ERBB4: variants seen among roughly 807,000 people sequenced by gnomAD.
ERBB4 encodes the protein receptor tyrosine-protein kinase erbB-4.
A neutral mutation model predicts 158.0 loss-of-function variants in ERBB4; 42 were observed. That is an observed-to-expected ratio of 0.27 (90% CI 0.21 to 0.34). The LOEUF (loss-of-function observed/expected upper bound fraction) is 0.34, where lower values mean the gene tolerates loss of function less well. ERBB4 is among the 10% of genes least tolerant of loss of function. The pLI, the probability that ERBB4 is intolerant of heterozygous loss-of-function variation, is 1.00. For synonymous variants in ERBB4, 583 were observed against 558.7 expected, an observed-to-expected ratio of 1.04 and a Z score of -0.61; for missense variants, 1,333 against 1,624.1, an observed-to-expected ratio of 0.82 and a Z score of 3.08.
chr2:211,568,092 T>A (rs1340287237), intron 19 of ERBB4, among the ~76,000 whole-genome samples: 1 of 152,022 alleles, frequency 6.6e-6, no homozygotes, highest in Non-Finnish European at 1.5e-5. Flanking sequence ...TTATCTATTT[T>A]TCCAGAAAAA....
intron 3 of ERBB4, among the ~76,000 whole-genome samples, chr2:211,863,272 TCTCTGTAAAATGGACCAATCAGCA>T (rs1181015042): frequency 4.6e-5 from 7 of 151,994 alleles, no homozygotes; most frequent in African/African-American, 7.2e-5. Flanking sequence ...ACCAATCAGC[TCTCTGTAAAATGGACCAATCAGCA>T]CTCTGTAAAA....
intron 1 of ERBB4, among the ~76,000 whole-genome samples, chr2:212,218,101 C>A (rs556007986): frequency 5.9e-5 from 9 of 151,346 alleles, no homozygotes; most frequent in Middle Eastern, 6.8e-3. Context: ...TAAAGTAGTT[C>A]TTTACTATAG....
At chr2:211,944,680 T>G (rs573484708) in intron 3 of ERBB4, among the ~76,000 whole-genome samples, 1 of 152,170 alleles carries the variant, frequency 6.6e-6, no homozygotes, top group African/African-American at 2.4e-5. Flanking sequence ...TACCATTTCT[T>G]GGTAACATAC....
rs544710336 is a variant in ERBB4 at position 211,725,068 on chromosome 2, A to C, written c.741+8T>G. On this transcript the variant is annotated splice_region_variant and intron_variant, in intron 6 of 27. Coordinates refer to ENST00000342788, the MANE Select transcript of ERBB4 (RefSeq NM_005235.3). ...CAGGATAATAAAAGAGAGAAATCACAGACATACAAAGCAGTCTGTGTCCTT... is the reference window on the plus strand; with the variant it reads ...CAGGATAATAAAAGAGAGAAATCACCGACATACAAAGCAGTCTGTGTCCTT... 8 of 1,558,362 alleles carry C rather than the reference A, an allele frequency of 5.1e-6. No homozygotes were observed. The African/African-American group carries it at 1.1e-4, about 21-fold the overall frequency.
chr2:211,491,401 T>C (rs1232474587), intron 20 of ERBB4, among the ~76,000 whole-genome samples: 1 of 152,058 alleles, frequency 6.6e-6, no homozygotes, highest in Non-Finnish European at 1.5e-5. Context: ...TGACAATTCC[T>C]GGGCATTACA....
chr2:211,484,459 A>G (rs2065157004), intron 20 of ERBB4, among the ~76,000 whole-genome samples: 1 of 152,222 alleles, frequency 6.6e-6, no homozygotes, highest in African/African-American at 2.4e-5. Flanking sequence ...CCTGCCTACA[A>G]GAAACCCAAT....
intron 2 of ERBB4, among the ~76,000 whole-genome samples, chr2:212,116,982 G>GT (rs1317924531): frequency 8.6e-5 from 13 of 151,892 alleles, no homozygotes; most frequent in Non-Finnish European, 7.4e-5. Flanking sequence ...TGTAATACAA[G>GT]TTCCATGATT....
At chr2:211,895,047 A>C (rs1249601961) in intron 3 of ERBB4, among the ~76,000 whole-genome samples, 1 of 152,194 alleles carries the variant, frequency 6.6e-6, no homozygotes, top group Non-Finnish European at 1.5e-5. Context: ...GATAGAGATA[A>C]TGTGGTATAG....
intron 20 of ERBB4, among the ~76,000 whole-genome samples, chr2:211,432,383 C>T (rs1382535423): frequency 6.6e-6 from 1 of 152,140 alleles, no homozygotes; most frequent in Non-Finnish European, 1.5e-5. Context: ...TATAAATGCA[C>T]ATTAAACACA....
chr2:212,134,949 G>A (rs2080226995), intron 1 of ERBB4, among the ~76,000 whole-genome samples: 1 of 152,066 alleles, frequency 6.6e-6, no homozygotes. Context: ...GCCTCCCAAA[G>A]TGCTGGGATT....
chr2:211,962,124 T>G (rs1211956565), intron 2 of ERBB4, among the ~76,000 whole-genome samples: 3 of 152,116 alleles, frequency 2.0e-5, no homozygotes, highest in African/African-American at 7.2e-5. Flanking sequence ...ACTTAAGCTA[T>G]GTATTCATTT....
intron 1 of ERBB4, among the ~76,000 whole-genome samples, chr2:212,386,017 C>T (rs891881078): frequency 2.0e-5 from 3 of 151,820 alleles, no homozygotes; most frequent in Admixed American, 2.0e-4. Flanking sequence ...CAGTCTCTAT[C>T]TTACCAGCGA....
intron 1 of ERBB4, among the ~76,000 whole-genome samples, chr2:212,468,544 T>G (rs932693056): frequency 1.1e-4 from 17 of 152,308 alleles, no homozygotes; most frequent in Admixed American, 1.0e-3. Context: ...ACCATGATTG[T>G]GAGGCCTCCC....
intron 3 of ERBB4, among the ~76,000 whole-genome samples, chr2:211,843,317 A>G (rs1559566301): frequency 6.6e-6 from 1 of 152,180 alleles, no homozygotes; most frequent in Non-Finnish European, 1.5e-5. Flanking sequence ...GTTCCAAAAA[A>G]GCCAGTCTAA....
chr2:212,248,689 C>T (rs1448410460), intron 1 of ERBB4, among the ~76,000 whole-genome samples: 1 of 152,038 alleles, frequency 6.6e-6, no homozygotes, highest in Non-Finnish European at 1.5e-5. Flanking sequence ...TAGAAAGGTA[C>T]AGGTACTCAG....
Position 211,772,238 on chromosome 2 carries a change from GC to G in ERBB4, c.556+15786del, listed in dbSNP as rs199538498. On this transcript the variant is annotated intron_variant, in intron 4 of 27. Transcript: ENST00000342788. ...AAATCAGTAAGCTCAACAAATTGGG[GC>G]TTTTTTCCCCTATTTTTGGAGAGTA... Among the ~76,000 whole-genome samples, 695 of 152,132 alleles carry G rather than the reference GC, an allele frequency of 4.6e-3. 1 individual carries two copies. Among genetic ancestry groups the G allele is most frequent in the African/African-American group, 0.016 (661 of 41,508 alleles).
chr2:211,907,830 T>C (rs1180535086), intron 3 of ERBB4, among the ~76,000 whole-genome samples: 1 of 151,742 alleles, frequency 6.6e-6, no homozygotes, highest in East Asian at 2.0e-4. Flanking sequence ...AGGTATACAA[T>C]TAATTTGGCA....
chr2:212,441,283 G>A (rs566872856), intron 1 of ERBB4, among the ~76,000 whole-genome samples: 1 of 152,122 alleles, frequency 6.6e-6, no homozygotes, highest in African/African-American at 2.4e-5. Flanking sequence ...TTCCATCTTT[G>A]TCTGAGGAGA....
At chr2:211,845,814 A>G (rs1450051888) in intron 3 of ERBB4, among the ~76,000 whole-genome samples, 1 of 152,156 alleles carries the variant, frequency 6.6e-6, no homozygotes, top group Non-Finnish European at 1.5e-5. Context: ...TCAGAGTGAC[A>G]TAAGCCTCTC....
Sources: allele counts gnomAD v4.1 joint callset (sites outside exome capture counted in the v4.1 genomes callset), GRCh38; gene constraint gnomAD v4.1.1; transcripts MANE v1.5; gene names NCBI Gene and HGNC (gene_info 2026-07-23, HGNC 2026-07-21).